Variants in PDE1A observed in about 807,000 individuals in gnomAD.
PDE1A encodes phosphodiesterase 1A.
A neutral mutation model predicts 61.7 loss-of-function variants in PDE1A; 35 were observed. The ratio of observed to expected loss-of-function variants is 0.57; its 90% CI spans 0.43 to 0.75. The LOEUF (loss-of-function observed/expected upper bound fraction) is 0.75, where lower values mean the gene tolerates loss of function less well. Among genes scored for constraint, PDE1A ranks in the 30% least tolerant of loss-of-function variants. PDE1A has a pLI of 0.00. For missense variants in PDE1A, 597 were observed against 630.6 expected, an observed-to-expected ratio of 0.95 and a Z score of 0.57; for synonymous variants, 232 against 213.2, an observed-to-expected ratio of 1.09 and a Z score of -0.77.
chr2:182,565,445 A>G, the PDE1A span, among the ~76,000 whole-genome samples: 2 of 152,026 alleles, frequency 1.3e-5, no homozygotes, highest in African/African-American at 2.4e-5. Flanking sequence ...CGGCCATGTG[A>G]GGTGTCAGTC....
At chr2:182,702,054 G>A in the PDE1A span, among the ~76,000 whole-genome samples, 2 of 152,164 alleles carry the variant, frequency 1.3e-5, no homozygotes, top group Non-Finnish European at 2.9e-5. Flanking sequence ...AAAATTGTGA[G>A]AAAAACTTTA....
chr2:182,658,047 T>TAAAAAAAAAAAA, the PDE1A span, among the ~76,000 whole-genome samples: 275 of 66,446 alleles, frequency 4.1e-3, 8 homozygotes, highest in African/African-American at 8.9e-3. Context: ...AGCTTCTCAG[T>TAAAAAAAAAAAA]AAAAAAAAAA....
the PDE1A span, among the ~76,000 whole-genome samples, chr2:182,653,048 C>T: frequency 6.6e-6 from 1 of 152,158 alleles, no homozygotes; most frequent in Non-Finnish European, 1.5e-5. Context: ...CTCATTTCCC[C>T]CAGGAATATA....
At chr2:182,487,519 AT>A (rs1402062955) in intron 2 of PDE1A, among the ~76,000 whole-genome samples, 1 of 152,204 alleles carries the variant, frequency 6.6e-6, no homozygotes, top group Non-Finnish European at 1.5e-5. Context: ...TGGTTATTTA[AT>A]AATCAAAATA....
At chr2:182,462,016 C>T (rs13407411) in intron 2 of PDE1A, among the ~76,000 whole-genome samples, 1,770 of 152,156 alleles carry the variant, frequency 0.012, 33 homozygotes, top group African/African-American at 0.04. Flanking sequence ...CTGGATTAAA[C>T]CAAGGGGGCT....
intron 1 of PDE1A, among the ~76,000 whole-genome samples, chr2:182,322,010 G>A: frequency 6.6e-6 from 1 of 152,158 alleles, no homozygotes; most frequent in East Asian, 1.9e-4. Flanking sequence ...TAGAAGGACA[G>A]TGTGGTGTTC....
At chr2:182,418,890 C>A (rs1235505659) in intron 1 of PDE1A, among the ~76,000 whole-genome samples, 1 of 152,122 alleles carries the variant, frequency 6.6e-6, no homozygotes, top group Non-Finnish European at 1.5e-5. Context: ...TGATATCAAC[C>A]AAGCCTGGCA....
intron 2 of PDE1A, among the ~76,000 whole-genome samples, chr2:182,470,171 T>C (rs1686937998): frequency 6.6e-6 from 1 of 151,882 alleles, no homozygotes; most frequent in Non-Finnish European, 1.5e-5. Context: ...ACAATATCTG[T>C]GAAGTGCAGT....
chr2:182,197,492 G>T (rs1362109643), intron 10 of PDE1A, among the ~76,000 whole-genome samples: 4 of 150,906 alleles, frequency 2.7e-5, no homozygotes, highest in African/African-American at 9.7e-5. Context: ...AGATTAGAGA[G>T]ATCTTCTCTT....
At chr2:182,448,514 A>T (rs894862208) in intron 2 of PDE1A, among the ~76,000 whole-genome samples, 3 of 152,094 alleles carry the variant, frequency 2.0e-5, no homozygotes, top group Non-Finnish European at 4.4e-5. Context: ...GTTATGGACC[A>T]TTCTGCTGTG....
chr2:182,537,338 G>C, the PDE1A span, among the ~76,000 whole-genome samples: 2 of 152,300 alleles, frequency 1.3e-5, no homozygotes, highest in Middle Eastern at 6.8e-3. Flanking sequence ...ATGAGTTCAT[G>C]TCCTTTGCAG....
At chr2:182,588,830 G>A in the PDE1A span, among the ~76,000 whole-genome samples, 7 of 151,920 alleles carry the variant, frequency 4.6e-5, no homozygotes, top group Non-Finnish European at 8.8e-5. Flanking sequence ...GATCACCCAA[G>A]GTCAGGAGTT....
At chr2:182,448,726 TG>T (rs986824593) in intron 2 of PDE1A, among the ~76,000 whole-genome samples, 4 of 152,104 alleles carry the variant, frequency 2.6e-5, no homozygotes, top group African/African-American at 9.7e-5. Flanking sequence ...TAGTGCAGTT[TG>T]ATGGATAAAA....
intron 2 of PDE1A, among the ~76,000 whole-genome samples, chr2:182,446,940 AT>A (rs1553620143): frequency 1.0e-5 from 1 of 100,284 alleles, no homozygotes; most frequent in Non-Finnish European, 2.5e-5. Context: ...AAGTGAGATA[AT>A]ATATATATAT....
At chr2:182,355,174 T>C (rs1016598205) in intron 1 of PDE1A, among the ~76,000 whole-genome samples, 52 of 151,974 alleles carry the variant, frequency 3.4e-4, no homozygotes, top group African/African-American at 1.0e-3. Flanking sequence ...AAGAAATGTA[T>C]ATATGTAAAT....
At chr2:182,451,729 G>A (rs917197382) in intron 2 of PDE1A, among the ~76,000 whole-genome samples, 3 of 152,182 alleles carry the variant, frequency 2.0e-5, no homozygotes, top group African/African-American at 7.2e-5. Context: ...CAAGAACACC[G>A]AAAGAGAAGC....
At chr2:182,589,320 T>C in the PDE1A span, among the ~76,000 whole-genome samples, 1 of 136,800 alleles carries the variant, frequency 7.3e-6, no homozygotes, top group Non-Finnish European at 1.7e-5. Flanking sequence ...AAAAGAGGTA[T>C]GATTGATGTA....
At chr2:182,182,436 T>C (rs7589989) in intron 13 of PDE1A, among the ~76,000 whole-genome samples, 82,243 of 151,826 alleles carry the variant, frequency 0.54, 22,485 homozygotes, top group East Asian at 0.59. Context: ...CCATTACTAC[T>C]TGGTCTAAGC....
At chr2:182,424,435 C>T (rs1703477499) in intron 1 of PDE1A, among the ~76,000 whole-genome samples, 1 of 152,114 alleles carries the variant, frequency 6.6e-6, no homozygotes, top group Admixed American at 6.5e-5. Context: ...GTTACAAGTA[C>T]ATACTGAGAA....
Sources: gnomAD v4.1 joint callset for allele counts (sites outside exome capture counted in the v4.1 genomes callset) on GRCh38, gnomAD v4.1.1 for gene constraint, MANE v1.5 for transcripts, NCBI Gene and HGNC (gene_info 2026-07-23, HGNC 2026-07-21) for gene names.